Variants in TAF3 observed in about 807,000 individuals in gnomAD.
The protein encoded by TAF3 is TATA-box binding protein associated factor 3.
TAF3 carries 7 observed loss-of-function variants against 80.6 expected under a neutral mutation model. The observed-to-expected ratio is 0.09, with a 90% CI of 0.05 to 0.16. TAF3 has a LOEUF of 0.16. Among genes scored for constraint, TAF3 ranks in the 10% least tolerant of loss-of-function variants. TAF3 has a pLI of 1.00. For missense variants in TAF3, 921 were observed against 1,140.2 expected (o/e 0.81, Z 2.77); for synonymous variants, 444 against 446.1 (o/e 1.00, Z 0.06).
At chr10:7,913,101 C>T (rs1397449470) in intron 2 of TAF3, among the ~76,000 whole-genome samples, 2 of 152,158 alleles carry the variant, frequency 1.3e-5, no homozygotes, top group Admixed American at 1.3e-4. Context: ...CGCACACACG[C>T]CCGTGATGTC....
At chr10:7,951,961 A>C (rs1838086879) in intron 2 of TAF3, among the ~76,000 whole-genome samples, 1 of 152,176 alleles carries the variant, frequency 6.6e-6, no homozygotes, top group African/African-American at 2.4e-5. Flanking sequence ...AATTTGTCTT[A>C]TTCCTGGGGT....
At chr10:7,932,466 A>G (rs1203234664) in intron 2 of TAF3, among the ~76,000 whole-genome samples, 1 of 152,116 alleles carries the variant, frequency 6.6e-6, no homozygotes, top group Admixed American at 6.5e-5. Flanking sequence ...AGAGAAAGAG[A>G]AGCAGGGTGT....
At chr10:7,821,154 C>T (rs969129370) in intron 1 of TAF3, among the ~76,000 whole-genome samples, 7 of 152,040 alleles carry the variant, frequency 4.6e-5, no homozygotes, top group African/African-American at 9.7e-5. Flanking sequence ...ACCAAGTTTC[C>T]GTAGCCAGTT....
Position 8,014,594 on chromosome 10 carries a change from G to A in TAF3, c.2676-43G>A, listed in dbSNP as rs1225994254. ...AAACATGGAAGGGAGAAGAATAGATGTCTGTATAAAAGTTGCTTATCTGAG... is the reference window on the plus strand; with the variant it reads ...AAACATGGAAGGGAGAAGAATAGATATCTGTATAAAAGTTGCTTATCTGAG... On this transcript the variant is annotated intron_variant, in intron 6 of 6. Transcript: ENST00000344293. 4 of 1,519,624 alleles carry A rather than the reference G, an allele frequency of 2.6e-6. No homozygotes were observed. The South Asian group carries it at 3.6e-5, about 14-fold the overall frequency. The allele number at this position is 1,519,624 out of a possible 1,614,324, so 94.1% of individuals were successfully genotyped here.
At chr10:7,958,939 C>A (rs1838162938) in intron 2 of TAF3, among the ~76,000 whole-genome samples, 1 of 152,134 alleles carries the variant, frequency 6.6e-6, no homozygotes, top group Admixed American at 6.5e-5. Flanking sequence ...TCGAGACCAT[C>A]CTGGCTAACA....
Position 8,000,533 on chromosome 10 carries a change from G to A in TAF3, c.2316-8545G>A, listed in dbSNP as rs537824495. ...TGCAATCTCAGCACTTTGGGAGGCC[G>A]AGATGGGAGGATCACTTGAGTCCAG... On this transcript the variant is annotated intron_variant, in intron 4 of 6. Coordinates refer to ENST00000344293, the MANE Select transcript of TAF3 (RefSeq NM_031923.4). Among the ~76,000 whole-genome samples the A allele has an allele frequency of 9.2e-5, 14 of 152,020 alleles. No homozygotes were observed. In the East Asian group the frequency reaches 1.4e-3, roughly 15 times the overall value.
At chr10:7,843,402 C>A (rs375399735) in intron 2 of TAF3, among the ~76,000 whole-genome samples, 7 of 152,086 alleles carry the variant, frequency 4.6e-5, no homozygotes, top group African/African-American at 1.7e-4. Flanking sequence ...AGCCACCGTT[C>A]CCAGCTTACA....
chr10:7,985,950 A>G (rs1056094641), intron 4 of TAF3, among the ~76,000 whole-genome samples: 3 of 151,636 alleles, frequency 2.0e-5, no homozygotes, highest in African/African-American at 7.3e-5. Flanking sequence ...CACCCAGCTA[A>G]TTTTTGTATT....
intron 4 of TAF3, among the ~76,000 whole-genome samples, chr10:8,002,168 A>G (rs1326180692): frequency 2.6e-5 from 4 of 152,082 alleles, no homozygotes; most frequent in Non-Finnish European, 5.9e-5. Flanking sequence ...TGCCCCTGAA[A>G]TTAACTCCAT....
intron 2 of TAF3, among the ~76,000 whole-genome samples, chr10:7,866,271 T>A (rs554089662): frequency 6.6e-6 from 1 of 152,190 alleles, no homozygotes; most frequent in African/African-American, 2.4e-5. Flanking sequence ...ATAGGCAGGC[T>A]CTGCTTCCAT....
intron 2 of TAF3, among the ~76,000 whole-genome samples, chr10:7,900,848 CT>C (rs1279986603): frequency 6.6e-6 from 1 of 152,038 alleles, no homozygotes; most frequent in African/African-American, 2.4e-5. Flanking sequence ...GGATTTTCTC[CT>C]ACATTAGCAG....
chr10:7,820,861 C>T (rs960936566), intron 1 of TAF3, among the ~76,000 whole-genome samples: 10 of 152,202 alleles, frequency 6.6e-5, no homozygotes, highest in Non-Finnish European at 1.0e-4. Context: ...AAGTACATCA[C>T]CAGCTGACTA....
At chr10:8,013,481 T>G (rs1832073020) in intron 5 of TAF3, among the ~76,000 whole-genome samples, 1 of 152,212 alleles carries the variant, frequency 6.6e-6, no homozygotes, top group Admixed American at 6.5e-5. Context: ...TTTTTATGAC[T>G]TACAAAAGAA....
chr10:7,842,159 TTTTTGTTTTTTTTTTTG>T (rs1212596317), intron 2 of TAF3, among the ~76,000 whole-genome samples: 2,389 of 103,138 alleles, frequency 0.023, 88 homozygotes, highest in Non-Finnish European at 0.036. Context: ...TTGTTTTTTT[TTTTTGTTTTTTTTTTTG>T]TTTTTTTTTT....
Position 8,007,950 on chromosome 10 carries a change from C to T in TAF3, c.2316-1128C>T, listed in dbSNP as rs757735776. Among the ~76,000 whole-genome samples the T allele has an allele frequency of 2.2e-4, 33 of 152,110 alleles. 1 individual carries two copies. Among genetic ancestry groups the T allele is most frequent in the Middle Eastern group, 3.4e-3 (1 of 294 alleles). ...CCAAGTCCAGAGCTGCTTCCACTGG[C>T]GAGAGTTGTGTGAAGAGGATGCTGT... On this transcript the variant is annotated intron_variant, in intron 4 of 6. Transcript: ENST00000344293.
chr10:7,866,532 T>C (rs1837216564), intron 2 of TAF3, among the ~76,000 whole-genome samples: 1 of 152,166 alleles, frequency 6.6e-6, no homozygotes, highest in Non-Finnish European at 1.5e-5. Context: ...GAGAGTCAAC[T>C]TGATGTTTTC....
At chr10:7,933,360 C>T (rs1837887270) in intron 2 of TAF3, among the ~76,000 whole-genome samples, 1 of 152,192 alleles carries the variant, frequency 6.6e-6, no homozygotes, top group African/African-American at 2.4e-5. Context: ...AGAGCAGTAG[C>T]TTCATGCATG....
At chr10:8,011,522 C>T (rs180764000) in intron 5 of TAF3, among the ~76,000 whole-genome samples, 133 of 152,290 alleles carry the variant, frequency 8.7e-4, no homozygotes, top group African/African-American at 2.8e-3. Context: ...GCAGTCCTTC[C>T]ACCTTGGCCT....
chr10:7,873,230 A>AT (rs569299580), intron 2 of TAF3, among the ~76,000 whole-genome samples: 8 of 150,714 alleles, frequency 5.3e-5, no homozygotes, highest in South Asian at 4.2e-4. Flanking sequence ...TTTCTTCAAG[A>AT]TTTTTTTTTT....
Sources: gnomAD v4.1 joint callset for allele counts (sites outside exome capture counted in the v4.1 genomes callset) on GRCh38, gnomAD v4.1.1 for gene constraint, MANE v1.5 for transcripts, NCBI Gene and HGNC (gene_info 2026-07-23, HGNC 2026-07-21) for gene names.